MEGF10: variants seen among roughly 807,000 people sequenced by gnomAD.
MEGF10 encodes the protein multiple epidermal growth factor-like domains protein 10.
Under a neutral mutation model 147.5 loss-of-function variants are expected in MEGF10, and 86 were observed. The observed-to-expected ratio is 0.58, with a 90% CI of 0.49 to 0.70. The LOEUF (loss-of-function observed/expected upper bound fraction) is 0.70, where lower values mean the gene tolerates loss of function less well. MEGF10 is among the 30% of genes least tolerant of loss of function. The pLI is 0.00. For synonymous variants in MEGF10, 478 were observed against 525.5 expected (o/e 0.91, Z 1.24); for missense variants, 1,329 against 1,487.3 (o/e 0.89, Z 1.75).
In MEGF10 at chr5:127,380,738, C is replaced by T. The variant is rs113520873; in HGVS notation, c.412+10736C>T. Among the ~76,000 whole-genome samples the T allele has an allele frequency of 3.2e-3, 483 of 152,170 alleles. 1 individual carries two copies. The highest frequency in any genetic ancestry group is 9.3e-3 in the African/African-American group (385 of 41,524). On this transcript the variant is annotated intron_variant, in intron 5 of 24. Coordinates refer to ENST00000503335, the MANE Select transcript of MEGF10 (RefSeq NM_001256545.2). ...TTCACCATGTTGGCCAGTCTGGTCT[C>T]GAACTCCTGACCTCATGATTCGCCC... is the stretch of plus-strand genomic sequence containing the variant.
chr5:127,447,655 A>C lies in MEGF10; in HGVS notation c.2827A>C (p.Asn943His). The C allele has an allele frequency of 6.2e-7, 1 of 1,614,118 alleles. No homozygotes were observed. The change falls in exon 21 of 25, where the codon AAC (asparagine) becomes CAC (histidine). Residue 943 changes from asparagine (N) to histidine (H), a missense_variant. Around this residue, in one of 3 missense-constraint regions of MEGF10, gnomAD observed 343 missense variants for 377.9 expected, o/e 0.91. Transcript: ENST00000503335. ...LTQCATSPHV[N>H]NRDRMTVTKS... ...CCAGTGTGCCACATCCCCTCACGTC[A>C]ACAACAGGGACAGGATGACTGTCAC...
intron 5 of MEGF10, 105 bp downstream of exon 5, chr5:127,370,107 G>A: frequency 1.3e-6 from 1 of 769,382 alleles, no homozygotes; most frequent in East Asian, 2.6e-5. Context: ...TCCCTACACA[G>A]AGCATAGTGT....
intron 5 of MEGF10, among the ~76,000 whole-genome samples, chr5:127,396,170 G>C (rs577460204): frequency 6.6e-6 from 1 of 152,092 alleles, no homozygotes; most frequent in Non-Finnish European, 1.5e-5. Context: ...GATCATTCCC[G>C]TCTGCCTAGC....
At chr5:127,334,486 T>C (rs1484904250) in intron 2 of MEGF10, among the ~76,000 whole-genome samples, 1 of 152,194 alleles carries the variant, frequency 6.6e-6, no homozygotes, top group African/African-American at 2.4e-5. Flanking sequence ...GGCTTCTAGC[T>C]GCATCCCAAT....
At chr5:127,247,404 GAAGAAGAAGAAGAA>G in the MEGF10 span, among the ~76,000 whole-genome samples, 1 of 60,418 alleles carries the variant, frequency 1.7e-5, no homozygotes, top group African/African-American at 8.9e-5. Context: ...AGAAGAAGAA[GAAGAAGAAGAAGAA>G]GAAGAAGAAG....
intron 9 of MEGF10, among the ~76,000 whole-genome samples, chr5:127,416,036 G>A (rs6595770): frequency 6.9e-6 from 1 of 144,908 alleles, no homozygotes; most frequent in Non-Finnish European, 1.5e-5. Flanking sequence ...TTTGTTTTTG[G>A]TTTTGTTTTT....
At position 127,336,101 on chromosome 5, in the gene MEGF10, A is replaced by G. The variant is rs138281053; in HGVS notation, c.117-3019A>G. The stretch of plus-strand genomic sequence containing the variant: ...CTTAAGTTTATACAGTAATTTAACT[A>G]TAGTTAAATTAGTTGAACTGTAGTT... On this transcript the variant is annotated intron_variant, in intron 2 of 24. Transcript: ENST00000503335. 1.5e-3 allele frequency among the ~76,000 whole-genome samples: 217 copies of G among 148,472 alleles called. 1 individual carries two copies. The highest frequency in any genetic ancestry group is 5.1e-3 in the African/African-American group (208 of 40,576).
Position 127,339,105 on chromosome 5 carries a change from T to C in MEGF10, c.117-15T>C. On this transcript the variant is annotated splice_polypyrimidine_tract_variant and intron_variant, in intron 2 of 24. Coordinates refer to ENST00000503335, the MANE Select transcript of MEGF10 (RefSeq NM_001256545.2). ...AAGAGAAATACTGATTTCTTATTTT[T>C]CCATTTCTTTTCAGCTACTCAGTGA... 1.3e-6 allele frequency: 2 copies of C among 1,522,654 alleles called. No homozygotes were observed. The highest frequency in any genetic ancestry group is 1.8e-6 in the Non-Finnish European group (2 of 1,108,136). The allele number at this position is 1,522,654 out of a possible 1,614,324, so 94.3% of individuals were successfully genotyped here. A position where few individuals can be genotyped will look rare whatever the true frequency, so the allele number is the denominator to read the frequency against.
chr5:127,241,196 C>T, the MEGF10 span, among the ~76,000 whole-genome samples: 1 of 152,096 alleles, frequency 6.6e-6, no homozygotes, highest in African/African-American at 2.4e-5. Flanking sequence ...ATTTCAGTTG[C>T]AAGTGACATA....
the MEGF10 span, among the ~76,000 whole-genome samples, chr5:127,247,429 A>G: frequency 0.16 from 10,048 of 62,870 alleles, 3,055 homozygotes; most frequent in Middle Eastern, 0.36. Context: ...GAAGAAGAAG[A>G]AGAAGAAGAA....
chr5:127,389,526 G>T (rs895923965), intron 5 of MEGF10, among the ~76,000 whole-genome samples: 9 of 152,126 alleles, frequency 5.9e-5, no homozygotes, highest in African/African-American at 2.2e-4. Flanking sequence ...AACCTAAATG[G>T]CCATCAATGG....
At chr5:127,397,476 G>C (rs2126924097) in intron 6 of MEGF10, among the ~76,000 whole-genome samples, 1 of 152,164 alleles carries the variant, frequency 6.6e-6, no homozygotes, top group South Asian at 2.1e-4. Context: ...AGAATTAAGA[G>C]GCAGAAGTTG....
At chr5:127,396,421 G>A in intron 5 of MEGF10, 111 bp from the exon 6 acceptor site, 6 of 1,301,862 alleles carry the variant, frequency 4.6e-6, no homozygotes, top group Non-Finnish European at 6.2e-6. Flanking sequence ...GGGCCCTGAT[G>A]TCCAGCTAAT....
chr5:127,460,280 A>T lies in MEGF10; in HGVS notation c.*2962A>T, dbSNP rs1170473036. 1 of 152,184 alleles carries T rather than the reference A, an allele frequency of 6.6e-6. No individual in the cohort carries two copies. The highest frequency in any genetic ancestry group is 2.4e-5 in the African/African-American group (1 of 41,458). The allele number at this position is 152,184 out of a possible 1,614,324, so 9.4% of individuals were successfully genotyped here. On this transcript the variant is annotated 3_prime_UTR_variant, in exon 25 of 25. Coordinates refer to ENST00000503335, the MANE Select transcript of MEGF10 (RefSeq NM_001256545.2). ...AAGTACATCAGAACTTGCCCACATGATAACTCATGTTTGCTTTAATAAGGA... is the reference window on the plus strand; with the variant it reads ...AAGTACATCAGAACTTGCCCACATGTTAACTCATGTTTGCTTTAATAAGGA...
In MEGF10 at chr5:127,422,682, G is replaced by A; in HGVS notation, c.1603G>A (p.Gly535Arg). The A allele has an allele frequency of 6.2e-7, 1 of 1,613,926 alleles. No individual in the cohort carries two copies. Among genetic ancestry groups the A allele is most frequent in the South Asian group, 1.1e-5 (1 of 91,064 alleles). The change falls in exon 13 of 25, where the codon GGG becomes AGG. Residue 535 changes from glycine (G) to arginine (R), a missense_variant. Gly to Arg is a moderately radical substitution (Grantham distance 125, BLOSUM62 -2). This residue lies in a region of MEGF10 where 980 missense variants were observed against 1,085.9 expected (regional missense o/e 0.90). Coordinates refer to ENST00000503335, the MANE Select transcript of MEGF10 (RefSeq NM_001256545.2). ...CELPCQDGTYGLNCAERCDCS... is the reference protein window; with the variant it reads ...CELPCQDGTYRLNCAERCDCS... Reference sequence around the variant, plus strand: ...GTTTTCCATGCAGGATGGCACGTACGGGCTGAACTGTGCTGAGCGCTGCGA... The same window carrying A: ...GTTTTCCATGCAGGATGGCACGTACAGGCTGAACTGTGCTGAGCGCTGCGA...
intron 4 of MEGF10, among the ~76,000 whole-genome samples, chr5:127,346,807 A>G (rs904769868): frequency 1.3e-5 from 2 of 152,120 alleles, no homozygotes; most frequent in Non-Finnish European, 2.9e-5. Flanking sequence ...CAGGTTGAGT[A>G]TCCAAAATGC....
At chr5:127,274,399 G>C in the MEGF10 span, among the ~76,000 whole-genome samples, 1 of 152,036 alleles carries the variant, frequency 6.6e-6, no homozygotes, top group African/African-American at 2.4e-5. Flanking sequence ...TGTGATAAAG[G>C]TATCATGGTT....
At chr5:127,391,094 G>GTGCGCT (rs1763651475) in intron 5 of MEGF10, among the ~76,000 whole-genome samples, 1 of 24,422 alleles carries the variant, frequency 4.1e-5, no homozygotes, top group Non-Finnish European at 1.7e-4. Context: ...ACATGCGCGC[G>GTGCGCT]CGCGCGCGCA....
At chr5:127,320,025 C>T (rs1760729837) in intron 1 of MEGF10, among the ~76,000 whole-genome samples, 1 of 152,162 alleles carries the variant, frequency 6.6e-6, no homozygotes, top group Non-Finnish European at 1.5e-5. Context: ...GTTGGACCAG[C>T]TTTCTGCTAA....
Sources: allele counts gnomAD v4.1 joint callset (sites outside exome capture counted in the v4.1 genomes callset), GRCh38; gene constraint gnomAD v4.1.1; regional missense constraint gnomAD v4.1.1; transcripts MANE v1.5; gene names NCBI Gene and HGNC (gene_info 2026-07-23, HGNC 2026-07-21).